The following COL21A1 variants were observed in gnomAD, a reference collection of about 807,000 sequenced individuals.
COL21A1 encodes the protein collagen alpha-1(XXI) chain.
In COL21A1, 149 loss-of-function variants were observed where a neutral mutation model predicts 137.9. The observed-to-expected ratio is 1.08, with a 90% CI of 0.95 to 1.24. COL21A1 has a LOEUF of 1.24. COL21A1 is among the 50% of genes most tolerant of loss of function. COL21A1 has a pLI of 0.00. For synonymous variants in COL21A1, 456 were observed against 391.5 expected (o/e 1.16, Z -1.95); for missense variants, 1,167 against 1,158.4 (o/e 1.01, Z -0.11).
chr6:56,345,700 A>T (rs1290733196), intron 1 of COL21A1, among the ~76,000 whole-genome samples: 3 of 152,188 alleles, frequency 2.0e-5, no homozygotes, highest in Non-Finnish European at 4.4e-5. Flanking sequence ...CTAAGTTTTT[A>T]TTTTGAAGGA....
At chr6:56,206,205 CAAG>C (rs1779768931) in intron 1 of COL21A1, among the ~76,000 whole-genome samples, 1 of 151,466 alleles carries the variant, frequency 6.6e-6, no homozygotes, top group South Asian at 2.1e-4. Flanking sequence ...GATAAAGAGT[CAAG>C]ACCCATCAGT....
chr6:56,139,796 G>A (rs1774280960), intron 12 of COL21A1, among the ~76,000 whole-genome samples: 1 of 152,110 alleles, frequency 6.6e-6, no homozygotes, highest in Non-Finnish European at 1.5e-5. Context: ...TTCAGGTAGG[G>A]AAGTCTTACC....
At chr6:56,214,746 T>C (rs926659486) in intron 1 of COL21A1, among the ~76,000 whole-genome samples, 1 of 152,096 alleles carries the variant, frequency 6.6e-6, no homozygotes, top group Admixed American at 6.6e-5. Context: ...AAAATGGTTA[T>C]ATTTTACATT....
At chr6:56,267,885 A>G (rs12195091) in intron 1 of COL21A1, among the ~76,000 whole-genome samples, 4,484 of 152,122 alleles carry the variant, frequency 0.029, 88 homozygotes, top group Non-Finnish European at 0.041. Flanking sequence ...ACTGAAAGAG[A>G]CCAAAATATA....
At position 56,137,261 on chromosome 6, in the gene COL21A1, T is replaced by G. The variant is rs150771945; in HGVS notation, c.1542+4524A>C. ...TGTGAGGATTTAATGTAAAGGGGAATGCATATGGACAAAATTGATGCAAAA... is the reference window on the plus strand; with the variant it reads ...TGTGAGGATTTAATGTAAAGGGGAAGGCATATGGACAAAATTGATGCAAAA... On this transcript the variant is annotated intron_variant, in intron 12 of 29. Coordinates refer to ENST00000244728, the MANE Select transcript of COL21A1 (RefSeq NM_030820.4). Among the ~76,000 whole-genome samples the G allele has an allele frequency of 3.6e-3, 551 of 152,210 alleles. 6 individuals are homozygous for G. Among genetic ancestry groups the G allele is most frequent in the African/African-American group, 0.013 (524 of 41,518 alleles).
intron 1 of COL21A1, among the ~76,000 whole-genome samples, chr6:56,390,849 A>C (rs1415003389): frequency 6.6e-6 from 1 of 152,200 alleles, no homozygotes; most frequent in African/African-American, 2.4e-5. Flanking sequence ...ATATAGAGAG[A>C]TATACCCCAA....
chr6:56,124,215 A>G (rs1004105348), intron 15 of COL21A1, 24 bp downstream of exon 15: 2 of 1,578,764 alleles, frequency 1.3e-6, no homozygotes, highest in Non-Finnish European at 1.7e-6. Context: ...CAAAATACTA[A>G]GAGCTTTTTT....
At chr6:56,100,131 T>A (rs542544808) in intron 17 of COL21A1, among the ~76,000 whole-genome samples, 15 of 152,328 alleles carry the variant, frequency 9.8e-5, no homozygotes, top group African/African-American at 3.4e-4. Context: ...CAGAGACCCT[T>A]CTCTGCAGAT....
At chr6:56,172,607 A>C (rs923419443) in intron 3 of COL21A1, among the ~76,000 whole-genome samples, 2 of 152,304 alleles carry the variant, frequency 1.3e-5, no homozygotes, top group African/African-American at 4.8e-5. Flanking sequence ...TTCAGATAAA[A>C]GTAAATATAT....
intron 1 of COL21A1, among the ~76,000 whole-genome samples, chr6:56,392,325 G>T (rs1475749541): frequency 6.6e-6 from 1 of 152,018 alleles, no homozygotes; most frequent in African/African-American, 2.4e-5. Flanking sequence ...TCAGAAATGG[G>T]TATAGAAGGA....
intron 1 of COL21A1, among the ~76,000 whole-genome samples, chr6:56,235,669 TAGG>T (rs1310653619): frequency 1.3e-5 from 2 of 151,932 alleles, no homozygotes. Context: ...GTCAGCCTGG[TAGG>T]AGGTTTCTGG....
intron 3 of COL21A1, among the ~76,000 whole-genome samples, chr6:56,176,885 G>GGGGGAGGAAAGGGAGGAAA (rs1234935297): frequency 2.1e-5 from 3 of 140,958 alleles, no homozygotes; most frequent in African/African-American, 7.9e-5. Context: ...AGAGGAGGAA[G>GGGGGAGGAAAGGGAGGAAA]GGGGAGGAAA....
At chr6:56,216,586 G>C (rs1430487806) in intron 1 of COL21A1, among the ~76,000 whole-genome samples, 1 of 152,086 alleles carries the variant, frequency 6.6e-6, no homozygotes, top group African/African-American at 2.4e-5. Context: ...TTCTTGATAA[G>C]GGTCAACATC....
chr6:56,057,529 GAA>G lies in COL21A1; in HGVS notation c.*126_*127del. ...TGATCTTTTATATTTTTTTCCATAA[GAA>G]AAAAAAAATAAAAACACCGAGGTAC... On this transcript the variant is annotated 3_prime_UTR_variant, in exon 30 of 30. Transcript: ENST00000244728. The G allele has an allele frequency of 6.4e-6, 5 of 782,540 alleles. No homozygotes were observed. The highest frequency in any genetic ancestry group is 3.6e-5 in the South Asian group (2 of 55,630). 48.5% of individuals were successfully genotyped at this position (782,540 alleles called of 1,614,324 possible). A position where few individuals can be genotyped will look rare whatever the true frequency, so the allele number is the denominator to read the frequency against.
At chr6:56,174,591 A>G (rs1777313143) in intron 3 of COL21A1, among the ~76,000 whole-genome samples, 1 of 152,056 alleles carries the variant, frequency 6.6e-6, no homozygotes, top group Non-Finnish European at 1.5e-5. Flanking sequence ...CATATAACCT[A>G]CCAAAACTGA....
chr6:56,135,460 T>C (rs1773924150), intron 12 of COL21A1, among the ~76,000 whole-genome samples: 1 of 151,732 alleles, frequency 6.6e-6, no homozygotes. Flanking sequence ...AAAAAAACAG[T>C]GCTGATAAGA....
intron 1 of COL21A1, among the ~76,000 whole-genome samples, chr6:56,267,717 A>T (rs913800881): frequency 6.7e-6 from 1 of 149,842 alleles, no homozygotes; most frequent in Non-Finnish European, 1.5e-5. Context: ...ACATCATGCC[A>T]TTGCACTCCA....
chr6:56,192,103 A>G (rs1778723361), intron 1 of COL21A1, among the ~76,000 whole-genome samples: 1 of 152,168 alleles, frequency 6.6e-6, no homozygotes, highest in African/African-American at 2.4e-5. Context: ...AACAGGGAAA[A>G]GATTCCCTAT....
At chr6:56,097,207 A>C (rs1769404466) in intron 17 of COL21A1, among the ~76,000 whole-genome samples, 1 of 152,082 alleles carries the variant, frequency 6.6e-6, no homozygotes, top group Non-Finnish European at 1.5e-5. Flanking sequence ...GAATGGAAGA[A>C]AAGAAGTAAA....
Sources: gnomAD v4.1 joint callset for allele counts (sites outside exome capture counted in the v4.1 genomes callset) on GRCh38, gnomAD v4.1.1 for gene constraint, MANE v1.5 for transcripts, NCBI Gene and HGNC (gene_info 2026-07-23, HGNC 2026-07-21) for gene names.